The following MSRB3 variants were observed in gnomAD, a reference collection of about 807,000 sequenced individuals.
The protein encoded by MSRB3 is methionine-R-sulfoxide reductase B3.
A neutral mutation model predicts 21.0 loss-of-function variants in MSRB3; 13 were observed. The observed-to-expected ratio is 0.62, with a 90% CI of 0.40 to 0.98. The LOEUF (loss-of-function observed/expected upper bound fraction) is 0.98. Ranked by LOEUF, MSRB3 falls within the 50% of genes least tolerant of loss-of-function variation. The pLI, the probability that MSRB3 is intolerant of heterozygous loss-of-function variation, is 0.00. For synonymous variants in MSRB3, 87 were observed against 88.6 expected (o/e 0.98, Z 0.10); for missense variants, 199 against 230.3 (o/e 0.86, Z 0.88).
intron 5 of MSRB3, among the ~76,000 whole-genome samples, chr12:65,405,824 G>C (rs914383905): frequency 2.8e-4 from 43 of 152,062 alleles, no homozygotes; most frequent in African/African-American, 9.2e-4. Context: ...GCATTTTCCT[G>C]ATGATTAGTG....
At chr12:65,351,022 C>T (rs1876945374) in intron 4 of MSRB3, among the ~76,000 whole-genome samples, 1 of 151,548 alleles carries the variant, frequency 6.6e-6, no homozygotes. Context: ...TTTTTCAGCA[C>T]CACACCACGC....
In MSRB3 at chr12:65,308,613, A is replaced by G. The variant is rs767948173; in HGVS notation, c.34A>G (p.Lys12Glu). The G allele has an allele frequency of 1.2e-6, 2 of 1,613,986 alleles. No individual in the cohort carries two copies. The highest frequency in any genetic ancestry group is 2.2e-5 in the South Asian group (2 of 91,080). ...SAFNLLHLVT[K>E]SQPVALRACG... ...ATTCAACCTGCTGCATTTGGTGACA[A>G]AGAGCCAGCCAGTAGCCCTTCGAGC... The change falls in exon 2 of 7, where the codon AAG becomes GAG. Residue 12 changes from lysine (K) to glutamate (E), a missense_variant. By Grantham distance (56) the Lys-to-Glu change is moderately conservative (BLOSUM62 1). Coordinates refer to ENST00000308259, the MANE Select transcript of MSRB3 (RefSeq NM_001031679.3).
At chr12:65,421,708 C>T (rs182278144) in intron 5 of MSRB3, among the ~76,000 whole-genome samples, 1 of 152,218 alleles carries the variant, frequency 6.6e-6, no homozygotes, top group East Asian at 1.9e-4. Context: ...CCAGACCTGC[C>T]TTATAAGAGA....
At chr12:65,317,346 C>T (rs552551612) in intron 2 of MSRB3, among the ~76,000 whole-genome samples, 134 of 152,220 alleles carry the variant, frequency 8.8e-4, no homozygotes, top group African/African-American at 3.0e-3. Context: ...ATCATTGTGA[C>T]AAGAATGTAT....
intron 5 of MSRB3, among the ~76,000 whole-genome samples, chr12:65,396,193 T>A (rs1190713051): frequency 3.9e-5 from 6 of 152,210 alleles, no homozygotes; most frequent in Non-Finnish European, 7.4e-5. Context: ...TTTGATAAGT[T>A]GTATTTTCAT....
chr12:65,407,126 C>T (rs1395304600), intron 5 of MSRB3, among the ~76,000 whole-genome samples: 1 of 152,110 alleles, frequency 6.6e-6, no homozygotes, highest in Non-Finnish European at 1.5e-5. Flanking sequence ...GCCAATGGAG[C>T]AGTGTAGAGA....
In MSRB3 at chr12:65,463,623, C is replaced by A; in HGVS notation, c.*301C>A. Reference sequence around the variant, plus strand: ...CATGGCTTCTTTTGCAGTTTTTCCCCCTTTGATTCAGAAGCAGAGGGTTCA... The same window carrying A: ...CATGGCTTCTTTTGCAGTTTTTCCCACTTTGATTCAGAAGCAGAGGGTTCA... On this transcript the variant is annotated 3_prime_UTR_variant, in exon 7 of 7. Transcript: ENST00000308259. The A allele has an allele frequency of 2.7e-6, 1 of 373,964 alleles. No homozygotes were observed. 23.2% of individuals were successfully genotyped at this position (373,964 alleles called of 1,614,324 possible). A position where few individuals can be genotyped will look rare whatever the true frequency, so the allele number is the denominator to read the frequency against.
intron 6 of MSRB3, among the ~76,000 whole-genome samples, chr12:65,457,237 A>G (rs559475955): frequency 6.6e-6 from 1 of 151,912 alleles, no homozygotes; most frequent in East Asian, 1.9e-4. Context: ...ATTTTTTATT[A>G]TGCTTTAAGT....
intron 4 of MSRB3, among the ~76,000 whole-genome samples, chr12:65,337,321 C>G (rs1875841561): frequency 6.6e-6 from 1 of 150,486 alleles, no homozygotes; most frequent in Admixed American, 6.6e-5. Context: ...GTAGTCTCAG[C>G]TACTTGGGAG....
intron 4 of MSRB3, among the ~76,000 whole-genome samples, chr12:65,353,455 A>T (rs1388598449): frequency 6.6e-6 from 1 of 152,092 alleles, no homozygotes; most frequent in Non-Finnish European, 1.5e-5. Context: ...CTTCTTGTTG[A>T]ATTGATCCCT....
At chr12:65,427,448 A>G (rs1249447467) in intron 5 of MSRB3, among the ~76,000 whole-genome samples, 1 of 152,120 alleles carries the variant, frequency 6.6e-6, no homozygotes, top group East Asian at 1.9e-4. Context: ...TTTCTATGAT[A>G]ATGGCAGCTA....
At chr12:65,350,011 T>A (rs1196861572) in intron 4 of MSRB3, among the ~76,000 whole-genome samples, 2 of 151,292 alleles carry the variant, frequency 1.3e-5, no homozygotes, top group African/African-American at 4.9e-5. Context: ...TGGTGATGCC[T>A]AGGTTTTCTT....
intron 5 of MSRB3, among the ~76,000 whole-genome samples, chr12:65,386,023 C>T (rs1161745738): frequency 1.3e-5 from 2 of 151,872 alleles, no homozygotes; most frequent in South Asian, 2.1e-4. Flanking sequence ...TCTCTGACCC[C>T]TGCATGTTTC....
intron 2 of MSRB3, among the ~76,000 whole-genome samples, chr12:65,325,605 T>C (rs1874969461): frequency 6.6e-6 from 1 of 152,136 alleles, no homozygotes; most frequent in African/African-American, 2.4e-5. Context: ...AGCGATCTCA[T>C]ACTATGACAT....
chr12:65,409,116 T>TTA (rs377364722), intron 5 of MSRB3, among the ~76,000 whole-genome samples: 2,985 of 150,524 alleles, frequency 0.02, 35 homozygotes, highest in Middle Eastern at 0.039. Context: ...CAGCAATATA[T>TTA]TATATATATA....
At chr12:65,386,915 A>G (rs1023325950) in intron 5 of MSRB3, among the ~76,000 whole-genome samples, 4 of 152,114 alleles carry the variant, frequency 2.6e-5, no homozygotes, top group Middle Eastern at 3.4e-3. Context: ...CTTTCATGTC[A>G]ATTTTGTCAT....
chr12:65,368,398 A>G (rs1482912189), intron 4 of MSRB3, among the ~76,000 whole-genome samples: 1 of 152,218 alleles, frequency 6.6e-6, no homozygotes, highest in Non-Finnish European at 1.5e-5. Flanking sequence ...TTGACAGCAC[A>G]TCAGCAGCAT....
intron 4 of MSRB3, among the ~76,000 whole-genome samples, chr12:65,335,525 A>G (rs1225619498): frequency 2.0e-5 from 3 of 152,140 alleles, no homozygotes; most frequent in African/African-American, 7.2e-5. Context: ...CACACAGTTC[A>G]CTCAACTGTG....
At chr12:65,458,263 A>T (rs901222171) in intron 6 of MSRB3, among the ~76,000 whole-genome samples, 3 of 151,892 alleles carry the variant, frequency 2.0e-5, no homozygotes, top group African/African-American at 4.8e-5. Flanking sequence ...ATCCTTTTTT[A>T]AAAAAAATTG....
Sources: allele counts gnomAD v4.1 joint callset (sites outside exome capture counted in the v4.1 genomes callset), GRCh38; gene constraint gnomAD v4.1.1; transcripts MANE v1.5; gene names NCBI Gene and HGNC (gene_info 2026-07-23, HGNC 2026-07-21).